MAGI2: variants seen among roughly 807,000 people sequenced by gnomAD.
MAGI2 encodes membrane associated guanylate kinase, WW and PDZ domain containing 2.
A neutral mutation model predicts 133.3 loss-of-function variants in MAGI2; 35 were observed. The observed-to-expected ratio is 0.26, with a 90% CI of 0.20 to 0.35. The LOEUF is 0.35. MAGI2 is among the 10% of genes least tolerant of loss of function. The probability of loss-of-function intolerance (pLI) is 1.00; values close to 1 mark genes in which losing one functional copy is unlikely to be tolerated. For synonymous variants in MAGI2, 729 were observed against 710.6 expected, an observed-to-expected ratio of 1.03 and a Z score of -0.41; for missense variants, 1,636 against 1,863.4, an observed-to-expected ratio of 0.88 and a Z score of 2.25.
chr7:78,299,516 A>G (rs1056530440), intron 9 of MAGI2, among the ~76,000 whole-genome samples: 1 of 152,214 alleles, frequency 6.6e-6, no homozygotes, highest in Non-Finnish European at 1.5e-5. Flanking sequence ...AAATAATTGG[A>G]AAGAAGTACA....
At chr7:79,137,384 C>T (rs1435421509) in intron 1 of MAGI2, among the ~76,000 whole-genome samples, 4 of 151,886 alleles carry the variant, frequency 2.6e-5, no homozygotes, top group African/African-American at 9.7e-5. Flanking sequence ...CTATTCCACA[C>T]CCTGGACTAC....
chr7:78,987,619 G>A (rs1805385395), intron 2 of MAGI2, among the ~76,000 whole-genome samples: 1 of 151,742 alleles, frequency 6.6e-6, no homozygotes, highest in Non-Finnish European at 1.5e-5. Context: ...AGACAACTAT[G>A]GAATATTTAT....
intron 2 of MAGI2, among the ~76,000 whole-genome samples, chr7:78,934,339 G>A (rs960901563): frequency 1.3e-5 from 2 of 152,092 alleles, no homozygotes; most frequent in Non-Finnish European, 2.9e-5. Context: ...GCTGACCTCA[G>A]TTGATCAGCC....
intron 2 of MAGI2, among the ~76,000 whole-genome samples, chr7:78,892,758 C>T (rs1400792704): frequency 1.3e-5 from 2 of 152,184 alleles, no homozygotes; most frequent in Non-Finnish European, 2.9e-5. Context: ...AAATGTTAGA[C>T]CCAAAACCAT....
intron 1 of MAGI2, among the ~76,000 whole-genome samples, chr7:79,079,796 G>T (rs1338514857): frequency 1.3e-5 from 2 of 151,962 alleles, no homozygotes; most frequent in African/African-American, 4.8e-5. Context: ...TATTTCTAAA[G>T]TCATTATCTG....
At chr7:78,498,570 A>T (rs936602817) in intron 5 of MAGI2, among the ~76,000 whole-genome samples, 3 of 152,234 alleles carry the variant, frequency 2.0e-5, no homozygotes, top group African/African-American at 7.2e-5. Flanking sequence ...AGTAAAGCAC[A>T]GTAAACCATA....
At chr7:78,489,549 A>G (rs554787126) in intron 6 of MAGI2, among the ~76,000 whole-genome samples, 34 of 152,224 alleles carry the variant, frequency 2.2e-4, no homozygotes, top group Non-Finnish European at 4.7e-4. Flanking sequence ...CAGAGATGTG[A>G]TATTCAGCAC....
At chr7:78,565,022 T>C (rs1357889418) in intron 3 of MAGI2, among the ~76,000 whole-genome samples, 3 of 151,960 alleles carry the variant, frequency 2.0e-5, no homozygotes, top group Non-Finnish European at 4.4e-5. Context: ...CTTGATCTCC[T>C]GACCTTGTGA....
At chr7:78,682,824 T>A (rs952525361) in intron 2 of MAGI2, among the ~76,000 whole-genome samples, 1 of 152,168 alleles carries the variant, frequency 6.6e-6, no homozygotes, top group Non-Finnish European at 1.5e-5. Flanking sequence ...ATTGATGAAC[T>A]CTTAAGGGTA....
chr7:79,137,443 G>GTTTT (rs1366101909), intron 1 of MAGI2, among the ~76,000 whole-genome samples: 1 of 78,848 alleles, frequency 1.3e-5, no homozygotes, highest in African/African-American at 3.1e-5. Flanking sequence ...ACTTCTGGGT[G>GTTTT]TTTTTTGTTT....
At chr7:78,550,107 T>G (rs569200665) in intron 3 of MAGI2, among the ~76,000 whole-genome samples, 1 of 152,320 alleles carries the variant, frequency 6.6e-6, no homozygotes, top group Non-Finnish European at 1.5e-5. Context: ...AAGCAGACCC[T>G]TAGCAGATAC....
intron 3 of MAGI2, among the ~76,000 whole-genome samples, chr7:78,525,238 TA>T (rs1379725221): frequency 2.0e-5 from 3 of 152,152 alleles, no homozygotes; most frequent in African/African-American, 7.2e-5. Flanking sequence ...AATAGCAATA[TA>T]AAGGAAGCAC....
At chr7:78,031,261 C>T (rs1196242819) in intron 21 of MAGI2, among the ~76,000 whole-genome samples, 2 of 152,140 alleles carry the variant, frequency 1.3e-5, no homozygotes, top group Non-Finnish European at 2.9e-5. Flanking sequence ...GGTTATGAAA[C>T]TGTTCTATAT....
chr7:78,171,374 T>C (rs143196790), intron 14 of MAGI2, among the ~76,000 whole-genome samples: 168 of 152,250 alleles, frequency 1.1e-3, no homozygotes, highest in African/African-American at 4.0e-3. Context: ...TTTGGATGCA[T>C]AGGAATCACC....
intron 2 of MAGI2, among the ~76,000 whole-genome samples, chr7:78,666,450 C>G (rs1441906419): frequency 6.6e-6 from 1 of 151,934 alleles, no homozygotes; most frequent in Non-Finnish European, 1.5e-5. Context: ...TTGTTGTTTT[C>G]TCTTGAGACC....
rs1335468032 is a variant in MAGI2, at chr7:78,742,917, G to A, written c.419-115678C>T. The stretch of plus-strand genomic sequence containing the variant: ...GTGGCCTCTGACCAAACTAACCCAT[G>A]TGGTCAGACCACATGGAGAAGCCCT... On this transcript the variant is annotated intron_variant, in intron 2 of 21. Coordinates refer to ENST00000354212, the MANE Select transcript of MAGI2 (RefSeq NM_012301.4). Among the ~76,000 whole-genome samples, 7 of 152,140 alleles carry A rather than the reference G, an allele frequency of 4.6e-5. No individual in the cohort carries two copies. The East Asian group carries it at 1.4e-3, about 29-fold the overall frequency.
At chr7:78,037,368 A>G (rs958094309) in intron 21 of MAGI2, among the ~76,000 whole-genome samples, 1 of 152,184 alleles carries the variant, frequency 6.6e-6, no homozygotes, top group Non-Finnish European at 1.5e-5. Flanking sequence ...AGACCCCTGC[A>G]TCTTTCCTGC....
intron 1 of MAGI2, among the ~76,000 whole-genome samples, chr7:79,269,681 A>G (rs1000867711): frequency 2.0e-5 from 3 of 152,178 alleles, no homozygotes; most frequent in Admixed American, 6.6e-5. Flanking sequence ...GAAATGTGAC[A>G]TAGTTGACCC....
intron 1 of MAGI2, among the ~76,000 whole-genome samples, chr7:79,279,630 C>T (rs976226373): frequency 1.2e-4 from 19 of 152,218 alleles, no homozygotes; most frequent in African/African-American, 4.1e-4. Context: ...GATTGAGCTA[C>T]GGCACTCCAG....
Sources: gnomAD v4.1 joint callset for allele counts (sites outside exome capture counted in the v4.1 genomes callset) on GRCh38, gnomAD v4.1.1 for gene constraint, MANE v1.5 for transcripts, NCBI Gene and HGNC (gene_info 2026-07-23, HGNC 2026-07-21) for gene names.